Variants in NDUFAF2 observed in about 807,000 individuals in gnomAD.
NDUFAF2 encodes NADH dehydrogenase [ubiquinone] 1 alpha subcomplex assembly factor 2.
Under a neutral mutation model 22.8 loss-of-function variants are expected in NDUFAF2, and 13 were observed. That is an observed-to-expected ratio of 0.57 (90% CI 0.37 to 0.91). NDUFAF2 has a LOEUF of 0.91. Ranked by LOEUF, NDUFAF2 falls within the 40% of genes least tolerant of loss-of-function variation. The probability of loss-of-function intolerance (pLI) is 0.01; values close to 1 mark genes in which losing one functional copy is unlikely to be tolerated. For synonymous variants in NDUFAF2, 53 were observed against 64.2 expected, an observed-to-expected ratio of 0.83 and a Z score of 0.84; for missense variants, 162 against 195.2, an observed-to-expected ratio of 0.83 and a Z score of 1.01.
intron 3 of NDUFAF2, chr5:61,116,538 A>G (rs1032466026): frequency 6.6e-6 from 1 of 152,220 alleles, no homozygotes; most frequent in Admixed American, 6.5e-5. Context: ...AGAAAATAGA[A>G]AAGAAAAATT....
At chr5:61,091,652 CT>C (rs779069992) in intron 2 of NDUFAF2, among the ~76,000 whole-genome samples, 4 of 152,120 alleles carry the variant, frequency 2.6e-5, no homozygotes, top group Non-Finnish European at 5.9e-5. Context: ...GTTTCTTTTG[CT>C]GTGCAAAAGT....
At chr5:61,142,797 A>T (rs1328530074) in intron 3 of NDUFAF2, among the ~76,000 whole-genome samples, 1 of 152,152 alleles carries the variant, frequency 6.6e-6, no homozygotes, top group Non-Finnish European at 1.5e-5. Flanking sequence ...TCCAGGCAAG[A>T]TTAAATTTAT....
chr5:61,152,084 A>G (rs1041994089), intron 3 of NDUFAF2, among the ~76,000 whole-genome samples: 4 of 152,140 alleles, frequency 2.6e-5, no homozygotes, highest in Non-Finnish European at 5.9e-5. Flanking sequence ...GCATTGTACA[A>G]TCTGTTTGCA....
intron 3 of NDUFAF2, among the ~76,000 whole-genome samples, chr5:61,147,628 C>T (rs1741162192): frequency 6.6e-6 from 1 of 151,338 alleles, no homozygotes; most frequent in African/African-American, 2.4e-5. Context: ...CAGTCCAATC[C>T]AAATTTTTGC....
intron 2 of NDUFAF2, among the ~76,000 whole-genome samples, chr5:61,090,720 T>C (rs2111754894): frequency 6.6e-6 from 1 of 152,304 alleles, no homozygotes; most frequent in South Asian, 2.1e-4. Flanking sequence ...GGGGTACATA[T>C]GCAGGTTTGT....
intron 1 of NDUFAF2, among the ~76,000 whole-genome samples, chr5:60,974,929 C>T (rs962055138): frequency 1.3e-5 from 2 of 152,102 alleles, no homozygotes; most frequent in Admixed American, 1.3e-4. Flanking sequence ...ATTTCTCCTG[C>T]CTCAGCCTCC....
chr5:60,985,823 C>T (rs1399344577), intron 1 of NDUFAF2, among the ~76,000 whole-genome samples: 1 of 152,164 alleles, frequency 6.6e-6, no homozygotes. Flanking sequence ...CAATCACCTC[C>T]CCACTGGGTT....
chr5:61,119,056 A>G (rs1011450466), intron 3 of NDUFAF2, among the ~76,000 whole-genome samples: 27 of 152,312 alleles, frequency 1.8e-4, no homozygotes, highest in East Asian at 5.8e-4. Context: ...ATATTTTAAA[A>G]GAACATATTG....
chr5:61,144,130 A>T (rs1272584905), intron 3 of NDUFAF2, among the ~76,000 whole-genome samples: 1 of 152,042 alleles, frequency 6.6e-6, no homozygotes, highest in Non-Finnish European at 1.5e-5. Flanking sequence ...AAAATTATTC[A>T]AATACTTTTG....
chr5:61,139,966 G>T (rs1337028439), intron 3 of NDUFAF2, among the ~76,000 whole-genome samples: 3 of 152,212 alleles, frequency 2.0e-5, no homozygotes, highest in Non-Finnish European at 4.4e-5. Context: ...CCTCTCCACT[G>T]AAAGCTGTTT....
At chr5:61,030,540 T>C (rs1751709930) in intron 1 of NDUFAF2, among the ~76,000 whole-genome samples, 1 of 152,156 alleles carries the variant, frequency 6.6e-6, no homozygotes, top group Non-Finnish European at 1.5e-5. Context: ...AGGTATCAAC[T>C]CTTTAATTTA....
chr5:60,982,349 C>G (rs1750995662), intron 1 of NDUFAF2, among the ~76,000 whole-genome samples: 1 of 151,590 alleles, frequency 6.6e-6, no homozygotes, highest in African/African-American at 2.4e-5. Context: ...TGGCAGCAGG[C>G]AAAAAAGAGA....
intron 1 of NDUFAF2, among the ~76,000 whole-genome samples, chr5:61,018,378 G>A (rs1222030998): frequency 6.6e-6 from 1 of 152,130 alleles, no homozygotes; most frequent in African/African-American, 2.4e-5. Context: ...GTTAATGCAT[G>A]TCGTGTCTAT....
intron 1 of NDUFAF2, among the ~76,000 whole-genome samples, chr5:61,046,776 G>A (rs373387699): frequency 1.6e-4 from 25 of 152,182 alleles, no homozygotes; most frequent in African/African-American, 5.5e-4. Flanking sequence ...GCATACTTAT[G>A]CTATTCTTTG....
At chr5:61,054,566 G>A (rs551848747) in intron 1 of NDUFAF2, among the ~76,000 whole-genome samples, 6 of 152,148 alleles carry the variant, frequency 3.9e-5, no homozygotes, top group African/African-American at 1.4e-4. Flanking sequence ...ATTCAGTAAC[G>A]ATTTCTAGAA....
intron 1 of NDUFAF2, among the ~76,000 whole-genome samples, chr5:60,985,999 A>C (rs1478033207): frequency 6.6e-6 from 1 of 152,186 alleles, no homozygotes. Context: ...GCAACAACAC[A>C]CTGGTGAGGA....
intron 1 of NDUFAF2, among the ~76,000 whole-genome samples, chr5:61,006,422 C>T (rs1015451920): frequency 1.2e-4 from 18 of 152,080 alleles, no homozygotes; most frequent in African/African-American, 2.7e-4. Context: ...CTTGGCAATG[C>T]GATCTCTTTT....
intron 1 of NDUFAF2, among the ~76,000 whole-genome samples, chr5:60,956,152 C>T (rs770983375): frequency 5.9e-5 from 9 of 152,066 alleles, no homozygotes; most frequent in African/African-American, 9.7e-5. Context: ...CCACCTGCCT[C>T]GGCCTCCCAA....
intron 1 of NDUFAF2, among the ~76,000 whole-genome samples, chr5:61,040,286 ACG>A (rs1323303366): frequency 0.017 from 1,559 of 92,994 alleles, 44 homozygotes; most frequent in African/African-American, 0.063. Context: ...ACACACACAC[ACG>A]CGCGCGCGCG....
Sources: gnomAD v4.1 joint callset for allele counts (sites outside exome capture counted in the v4.1 genomes callset) on GRCh38, gnomAD v4.1.1 for gene constraint, MANE v1.5 for transcripts, NCBI Gene and HGNC (gene_info 2026-07-23, HGNC 2026-07-21) for gene names.